MAP3K20: variants seen among roughly 807,000 people sequenced by gnomAD.
MAP3K20 encodes the protein mitogen-activated protein kinase kinase kinase 20, also known as HCCS-4.
Under a neutral mutation model 85.7 loss-of-function variants are expected in MAP3K20, and 40 were observed. That is an observed-to-expected ratio of 0.47 (90% CI 0.36 to 0.61). MAP3K20 has a LOEUF of 0.61. Among genes scored for constraint, MAP3K20 ranks in the 20% least tolerant of loss-of-function variants. The pLI, the probability that MAP3K20 is intolerant of heterozygous loss-of-function variation, is 0.00. For missense variants in MAP3K20, 817 were observed against 961.7 expected, an observed-to-expected ratio of 0.85 and a Z score of 1.99; for synonymous variants, 325 against 327.7, an observed-to-expected ratio of 0.99 and a Z score of 0.09.
In MAP3K20 at chr2:173,266,766, A is replaced by T; in HGVS notation, c.*16A>T. The stretch of plus-strand genomic sequence containing the variant: ...AAACTTTTGATGAATTGAACTACAT[A>T]GCTTTTCTAAGCAGGTTAAAAAAAA... On this transcript the variant is annotated 3_prime_UTR_variant, in exon 20 of 20. Coordinates refer to ENST00000375213, the MANE Select transcript of MAP3K20 (RefSeq NM_016653.3). The T allele has an allele frequency of 8.0e-7, 1 of 1,252,426 alleles. No individual in the cohort carries two copies. Among genetic ancestry groups the T allele is most frequent in the Non-Finnish European group, 1.1e-6 (1 of 942,886 alleles). 77.6% of individuals were successfully genotyped at this position (1,252,426 alleles called of 1,614,324 possible).
intron 2 of MAP3K20, among the ~76,000 whole-genome samples, chr2:173,118,685 G>A (rs1324431163): frequency 6.6e-6 from 1 of 152,202 alleles, no homozygotes; most frequent in Non-Finnish European, 1.5e-5. Flanking sequence ...CTTTGAAGGT[G>A]ACAGATTCCT....
rs557841598 is a variant in MAP3K20 at position 173,200,459 on chromosome 2, G to A, written c.669+2347G>A. ...GGTTATGGGTTGAAAAGAGAAAGTC[G>A]TATTTTTAACAGGCCTCATTTAAAT... is the stretch of plus-strand genomic sequence containing the variant. On this transcript the variant is annotated intron_variant, in intron 8 of 19. Transcript: ENST00000375213. 3.9e-5 allele frequency among the ~76,000 whole-genome samples: 6 copies of A among 152,184 alleles called. No individual in the cohort carries two copies. In the East Asian group the frequency reaches 5.8e-4, roughly 15 times the overall value.
intron 11 of MAP3K20, chr2:173,223,063 T>C (rs1684294348): frequency 8.1e-6 from 8 of 985,318 alleles, no homozygotes; most frequent in Non-Finnish European, 9.6e-6. Flanking sequence ...ATTTGATCAT[T>C]AAAAGCCTCT....
chr2:173,146,579 A>G (rs1158159276), intron 2 of MAP3K20, among the ~76,000 whole-genome samples: 5 of 152,114 alleles, frequency 3.3e-5, no homozygotes, highest in Admixed American at 3.3e-4. Flanking sequence ...CAAGTCCCCA[A>G]CCCAAGACAC....
chr2:173,242,693 A>ATCTT (rs1271220946), intron 16 of MAP3K20, among the ~76,000 whole-genome samples: 2 of 128,544 alleles, frequency 1.6e-5, no homozygotes, highest in Non-Finnish European at 1.6e-5. Flanking sequence ...ATCCAGAGTA[A>ATCTT]TCTTTCTTTT....
At chr2:173,255,100 G>A (rs1375561319) in intron 16 of MAP3K20, among the ~76,000 whole-genome samples, 3 of 152,180 alleles carry the variant, frequency 2.0e-5, no homozygotes, top group Non-Finnish European at 4.4e-5. Flanking sequence ...TTCTTTAGTA[G>A]AAGGGAAAAA....
intron 2 of MAP3K20, among the ~76,000 whole-genome samples, chr2:173,123,287 G>A (rs1044517121): frequency 2.0e-5 from 3 of 152,090 alleles, no homozygotes; most frequent in East Asian, 3.9e-4. Context: ...GCAGCCTGAT[G>A]TGCTGTATAT....
chr2:173,256,931 C>T (rs1050471427), intron 16 of MAP3K20, among the ~76,000 whole-genome samples: 11 of 152,138 alleles, frequency 7.2e-5, no homozygotes, highest in African/African-American at 2.7e-4. Flanking sequence ...GTGGGAGGAT[C>T]ACTTGAGCCC....
At chr2:173,120,511 AGAATAGC>A (rs1472440126) in intron 2 of MAP3K20, among the ~76,000 whole-genome samples, 5 of 151,580 alleles carry the variant, frequency 3.3e-5, no homozygotes, top group Non-Finnish European at 4.4e-5. Flanking sequence ...TTCAGAACCT[AGAATAGC>A]CAGTGGCAGT....
At chr2:173,238,695 A>T (rs868846798) in intron 15 of MAP3K20, among the ~76,000 whole-genome samples, 1 of 152,232 alleles carries the variant, frequency 6.6e-6, no homozygotes, top group African/African-American at 2.4e-5. Flanking sequence ...AAGTGCCAAC[A>T]TTATCGGTGA....
At chr2:173,123,862 G>A (rs559272582) in intron 2 of MAP3K20, among the ~76,000 whole-genome samples, 45 of 152,146 alleles carry the variant, frequency 3.0e-4, no homozygotes, top group Middle Eastern at 3.4e-3. Context: ...AAGCTCTCTG[G>A]TTCTTAGACT....
chr2:173,262,142 A>G (rs552385468), intron 18 of MAP3K20, among the ~76,000 whole-genome samples: 1 of 152,374 alleles, frequency 6.6e-6, no homozygotes, highest in Non-Finnish European at 1.5e-5. Context: ...GTTGAAGTCA[A>G]TTCCATGTTT....
At chr2:173,114,293 C>T (rs948398246) in intron 2 of MAP3K20, among the ~76,000 whole-genome samples, 1 of 152,094 alleles carries the variant, frequency 6.6e-6, no homozygotes, top group African/African-American at 2.4e-5. Context: ...CTAGGTGAGT[C>T]TCCTGAAGAC....
chr2:173,186,604 C>T (rs781282901), intron 4 of MAP3K20, among the ~76,000 whole-genome samples: 1 of 151,946 alleles, frequency 6.6e-6, no homozygotes, highest in Admixed American at 6.6e-5. Flanking sequence ...AAGCCTAAGC[C>T]TCTTATTAAA....
intron 2 of MAP3K20, among the ~76,000 whole-genome samples, chr2:173,099,356 G>A (rs1477631203): frequency 6.7e-6 from 1 of 148,320 alleles, no homozygotes; most frequent in Non-Finnish European, 1.5e-5. Flanking sequence ...TTGAGACAGG[G>A]TCTCCCTCTG....
chr2:173,179,271 T>G (rs1359787138), intron 3 of MAP3K20, among the ~76,000 whole-genome samples: 1 of 151,778 alleles, frequency 6.6e-6, no homozygotes, highest in African/African-American at 2.4e-5. Context: ...CAGGTGCCTA[T>G]AGTCCCAGCT....
chr2:173,209,684 C>T, intron 9 of MAP3K20, 45 bp from the exon 10 acceptor site: 4 of 1,526,346 alleles, frequency 2.6e-6, no homozygotes, highest in Non-Finnish European at 3.6e-6. Context: ...TAAATATCTC[C>T]TTTCTTAAGT....
intron 2 of MAP3K20, among the ~76,000 whole-genome samples, chr2:173,116,260 T>G (rs892673822): frequency 6.6e-6 from 1 of 152,188 alleles, no homozygotes; most frequent in African/African-American, 2.4e-5. Context: ...TCCCACATAC[T>G]TACGATAGAT....
chr2:173,114,480 TA>T (rs1214727835), intron 2 of MAP3K20, among the ~76,000 whole-genome samples: 1 of 152,190 alleles, frequency 6.6e-6, no homozygotes, highest in African/African-American at 2.4e-5. Flanking sequence ...TTTTAATTTG[TA>T]TTTTTGTTTT....
Sources: allele counts gnomAD v4.1 joint callset (sites outside exome capture counted in the v4.1 genomes callset), GRCh38; gene constraint gnomAD v4.1.1; transcripts MANE v1.5; gene names NCBI Gene and HGNC (gene_info 2026-07-23, HGNC 2026-07-21).